NAALADL2: variants seen among roughly 807,000 people sequenced by gnomAD.
NAALADL2 encodes the protein inactive N-acetylated-alpha-linked acidic dipeptidase-like protein 2.
NAALADL2 carries 76 observed loss-of-function variants against 87.2 expected under a neutral mutation model. The observed-to-expected ratio is 0.87, with a 90% CI of 0.72 to 1.05. NAALADL2 has a LOEUF of 1.05. Among genes scored for constraint, NAALADL2 ranks in the 50% least tolerant of loss-of-function variants. The pLI is 0.00. For missense variants in NAALADL2, 1,089 were observed against 945.8 expected, an observed-to-expected ratio of 1.15 and a Z score of -1.99; for synonymous variants, 354 against 331.0, an observed-to-expected ratio of 1.07 and a Z score of -0.75.
chr3:174,810,224 C>T (rs568004287), intron 3 of NAALADL2, among the ~76,000 whole-genome samples: 29 of 152,026 alleles, frequency 1.9e-4, no homozygotes, highest in Non-Finnish European at 3.5e-4. Flanking sequence ...AATGTGGAAG[C>T]GACTTTTGAG....
At chr3:174,759,568 G>T (rs1712623922) in intron 3 of NAALADL2, among the ~76,000 whole-genome samples, 1 of 152,160 alleles carries the variant, frequency 6.6e-6, no homozygotes, top group Non-Finnish European at 1.5e-5. Flanking sequence ...TGGATTAGAG[G>T]TTCATTGAAG....
chr3:175,157,438 T>G (rs1732491864), intron 2 of NAALADL2, among the ~76,000 whole-genome samples: 1 of 152,112 alleles, frequency 6.6e-6, no homozygotes, highest in Non-Finnish European at 1.5e-5. Context: ...GATTAACAGA[T>G]ACAGTATTTG....
At chr3:175,395,531 C>T (rs1056104368) in intron 5 of NAALADL2, among the ~76,000 whole-genome samples, 2 of 152,160 alleles carry the variant, frequency 1.3e-5, no homozygotes, top group African/African-American at 4.8e-5. Flanking sequence ...GCTAAGTATG[C>T]ATTCCTTTAG....
At chr3:175,272,120 G>A (rs2110015761) in intron 4 of NAALADL2, among the ~76,000 whole-genome samples, 2 of 152,242 alleles carry the variant, frequency 1.3e-5, no homozygotes, top group Admixed American at 1.3e-4. Flanking sequence ...ATTAGTGATG[G>A]TTTTGTGACC....
At position 175,286,209 on chromosome 3, in the gene NAALADL2, T is replaced by C. The variant is rs115637579; in HGVS notation, c.939+29679T>C. Among the ~76,000 whole-genome samples, 1,333 of 152,288 alleles carry C rather than the reference T, an allele frequency of 8.8e-3. 22 individuals are homozygous for C. Among genetic ancestry groups the C allele is most frequent in the African/African-American group, 0.03 (1,258 of 41,546 alleles). On this transcript the variant is annotated intron_variant, in intron 4 of 13. Transcript: ENST00000454872. Reference sequence around the variant, plus strand: ...AATATTACTCTTGAATGGTGGAAAATGCTATGGCAGTAAGGCAGATTTATT... The same window carrying C: ...AATATTACTCTTGAATGGTGGAAAACGCTATGGCAGTAAGGCAGATTTATT...
At chr3:175,649,682 G>A (rs550637321) in intron 11 of NAALADL2, among the ~76,000 whole-genome samples, 15 of 152,124 alleles carry the variant, frequency 9.9e-5, no homozygotes, top group African/African-American at 3.1e-4. Context: ...CTCTTCTTAT[G>A]AGTACAGTAA....
intron 5 of NAALADL2, among the ~76,000 whole-genome samples, chr3:175,326,970 A>G (rs546005288): frequency 4.1e-4 from 63 of 152,218 alleles, no homozygotes; most frequent in Middle Eastern, 3.4e-3. Context: ...CCTTTTTTCA[A>G]TTTAAGAACT....
chr3:175,540,963 G>A (rs1208358596), intron 9 of NAALADL2, among the ~76,000 whole-genome samples: 1 of 152,148 alleles, frequency 6.6e-6, no homozygotes, highest in Non-Finnish European at 1.5e-5. Context: ...GAAACAAACT[G>A]AGAGAGATAA....
At chr3:174,486,583 G>A (rs1717874384) in intron 1 of NAALADL2, among the ~76,000 whole-genome samples, 1 of 151,862 alleles carries the variant, frequency 6.6e-6, no homozygotes, top group Non-Finnish European at 1.5e-5. Flanking sequence ...CGCTTTTGGG[G>A]GCAGAATTTT....
At chr3:175,494,927 T>C (rs1728595846) in intron 9 of NAALADL2, among the ~76,000 whole-genome samples, 1 of 151,832 alleles carries the variant, frequency 6.6e-6, no homozygotes, top group South Asian at 2.1e-4. Context: ...CCTTATTTTT[T>C]CAAGATTTGC....
intron 1 of NAALADL2, among the ~76,000 whole-genome samples, chr3:174,489,869 T>C (rs562655335): frequency 1.3e-5 from 2 of 152,142 alleles, no homozygotes; most frequent in East Asian, 3.9e-4. Flanking sequence ...TACCCTTATA[T>C]GTAACCCTTA....
At chr3:175,474,030 T>C (rs369360323) in intron 9 of NAALADL2, among the ~76,000 whole-genome samples, 73 of 152,318 alleles carry the variant, frequency 4.8e-4, no homozygotes, top group African/African-American at 1.6e-3. Flanking sequence ...CAACAGCATA[T>C]AAGCATTCCC....
chr3:174,604,824 A>G (rs909815711), intron 2 of NAALADL2, among the ~76,000 whole-genome samples: 1 of 149,282 alleles, frequency 6.7e-6, no homozygotes, highest in Non-Finnish European at 1.5e-5. Flanking sequence ...GCTGGAGTGC[A>G]GTGGCATGAT....
chr3:175,206,286 GTA>G (rs1740863482), intron 2 of NAALADL2, among the ~76,000 whole-genome samples: 3 of 105,450 alleles, frequency 2.8e-5, no homozygotes, highest in Admixed American at 1.1e-4. Flanking sequence ...CTGTGTGTGT[GTA>G]TGTATGTGTA....
Position 175,588,529 on chromosome 3 carries a change from C to CTTTTTTTTTTTTTTTT in NAALADL2, c.1800+12346_1800+12347insTTTTTTTTTTTTTTTT, listed in dbSNP as rs1430802993. On this transcript the variant is annotated intron_variant, in intron 10 of 13. Transcript: ENST00000454872. ...TCAATTTAGGAGACTTTCTTTCTTTCTTTTCTTTTTTTTTTTTTTTTTTTT... is the reference window on the plus strand; with the variant it reads ...TCAATTTAGGAGACTTTCTTTCTTTCTTTTTTTTTTTTTTTTTTTTCTTTTTTTTTTTTTTTTTTTT... 1.6e-4 allele frequency among the ~76,000 whole-genome samples: 15 copies of CTTTTTTTTTTTTTTTT among 94,478 alleles called. 1 individual carries two copies. Among genetic ancestry groups the CTTTTTTTTTTTTTTTT allele is most frequent in the African/African-American group, 5.6e-4 (14 of 24,982 alleles). The allele number at this position is 94,478 out of a possible 152,430, so 62.0% of individuals were successfully genotyped here. A position where few individuals can be genotyped will look rare whatever the true frequency, so the allele number is the denominator to read the frequency against.
Position 175,467,067 on chromosome 3 carries a change from G to A in NAALADL2, c.1416G>A (p.Ala472=), listed in dbSNP as rs774363113. The change falls in exon 8 of 14, where the codon GCG becomes GCA. Residue 472 remains alanine (A), a synonymous_variant. Transcript: ENST00000454872. ...EWASSTAIIT[A]FIRALMSKVK... is the part of the protein sequence containing the mutation. ...CCAGTAGTACTGCAATAATCACAGC[G>A]TTTATCCGTGCCTTGATGTCAAAAG... 4.2e-5 allele frequency: 67 copies of A among 1,613,656 alleles called. No individual in the cohort carries two copies. Among genetic ancestry groups the A allele is most frequent in the Admixed American group, 3.0e-4 (18 of 59,990 alleles).
intron 3 of NAALADL2, among the ~76,000 whole-genome samples, chr3:174,750,313 G>T (rs1734696658): frequency 2.6e-5 from 4 of 152,118 alleles, no homozygotes; most frequent in African/African-American, 7.2e-5. Flanking sequence ...CTTGAATTAG[G>T]TCCTGGTTCT....
At chr3:175,596,722 T>A (rs913723699) in intron 10 of NAALADL2, among the ~76,000 whole-genome samples, 1 of 152,078 alleles carries the variant, frequency 6.6e-6, no homozygotes, top group South Asian at 2.1e-4. Context: ...CCTAGTTTTT[T>A]AAATTATTTA....
chr3:174,646,912 G>GT (rs1265389737), intron 2 of NAALADL2, among the ~76,000 whole-genome samples: 4 of 151,988 alleles, frequency 2.6e-5, no homozygotes, highest in Non-Finnish European at 5.9e-5. Flanking sequence ...ATAGCCCCAA[G>GT]TCTGACGACA....
Sources: allele counts gnomAD v4.1 joint callset (sites outside exome capture counted in the v4.1 genomes callset), GRCh38; gene constraint gnomAD v4.1.1; transcripts MANE v1.5; gene names NCBI Gene and HGNC (gene_info 2026-07-23, HGNC 2026-07-21).